COL4A3: variants seen among roughly 807,000 people sequenced by gnomAD.
The protein encoded by COL4A3 is collagen type IV alpha 3 chain.
Under a neutral mutation model 217.4 loss-of-function variants are expected in COL4A3, and 135 were observed. That is an observed-to-expected ratio of 0.62 (90% CI 0.54 to 0.72). The LOEUF (loss-of-function observed/expected upper bound fraction) is 0.72. Among genes scored for constraint, COL4A3 ranks in the 30% least tolerant of loss-of-function variants. The pLI is 0.00. For missense variants in COL4A3, 1,868 were observed against 2,119.9 expected (o/e 0.88, Z 2.33); for synonymous variants, 690 against 736.3 (o/e 0.94, Z 1.02).
At chr2:227,206,857 C>A (rs548794992) in intron 1 of COL4A3, among the ~76,000 whole-genome samples, 1 of 152,180 alleles carries the variant, frequency 6.6e-6, no homozygotes, top group South Asian at 2.1e-4. Flanking sequence ...TTTATCATCA[C>A]CCCATTTTCT....
chr2:227,310,123 T>C (rs954409126), intron 50 of COL4A3, among the ~76,000 whole-genome samples: 11 of 152,226 alleles, frequency 7.2e-5, no homozygotes, highest in Non-Finnish European at 1.3e-4. Flanking sequence ...GTGCCCCTTT[T>C]GACATTCATA....
intron 1 of COL4A3, among the ~76,000 whole-genome samples, chr2:227,194,197 C>T (rs13429913): frequency 0.34 from 51,522 of 152,014 alleles, 9,473 homozygotes; most frequent in East Asian, 0.43. Flanking sequence ...AAGAAACCCA[C>T]GACACACTCA....
At position 227,203,312 on chromosome 2, in the gene COL4A3, T is replaced by C. The variant is rs201011475; in HGVS notation, c.88-34656T>C. ...ACATATATGTGTATATATGTGTATA[T>C]ATACATATATGTGTATACATACATA... On this transcript the variant is annotated intron_variant, in intron 1 of 51. Transcript: ENST00000396578. 4.3e-4 allele frequency among the ~76,000 whole-genome samples: 8 copies of C among 18,412 alleles called. 1 individual carries two copies. The highest frequency in any genetic ancestry group is 2.7e-3 in the South Asian group (1 of 366). The allele number at this position is 18,412 out of a possible 152,430, so 12.1% of individuals were successfully genotyped here. A position where few individuals can be genotyped will look rare whatever the true frequency, so the allele number is the denominator to read the frequency against.
chr2:227,298,309 G>A (rs565192805), intron 42 of COL4A3, among the ~76,000 whole-genome samples: 9 of 152,172 alleles, frequency 5.9e-5, no homozygotes, highest in African/African-American at 1.2e-4. Context: ...CTGAGATTGC[G>A]CCACTGCACT....
chr2:227,205,858 A>G (rs1417393965), intron 1 of COL4A3, among the ~76,000 whole-genome samples: 1 of 151,922 alleles, frequency 6.6e-6, no homozygotes, highest in Non-Finnish European at 1.5e-5. Context: ...ATAAAGCAGC[A>G]TGATGCCAAA....
chr2:227,290,172 TTTCCA>T, intron 36 of COL4A3, 84 bp downstream of exon 36: 1 of 1,333,196 alleles, frequency 7.5e-7, no homozygotes, highest in African/African-American at 1.4e-5. Flanking sequence ...CTGTTTTGGT[TTTCCA>T]CTTGGTAGAA....
At chr2:227,217,114 G>A (rs2067554764) in intron 1 of COL4A3, among the ~76,000 whole-genome samples, 1 of 152,230 alleles carries the variant, frequency 6.6e-6, no homozygotes, top group Non-Finnish European at 1.5e-5. Context: ...GGCAGATGGT[G>A]AAAGGCATGT....
chr2:227,190,548 C>A (rs1033805132), intron 1 of COL4A3, among the ~76,000 whole-genome samples: 1 of 152,110 alleles, frequency 6.6e-6, no homozygotes, highest in African/African-American at 2.4e-5. Context: ...AGAAGAGGGA[C>A]TTTGTGTATT....
intron 1 of COL4A3, among the ~76,000 whole-genome samples, chr2:227,171,262 T>C (rs1266122286): frequency 1.3e-5 from 2 of 152,236 alleles, no homozygotes; most frequent in Non-Finnish European, 1.5e-5. Context: ...ATCATCTAAA[T>C]ACTTATTCCA....
intron 1 of COL4A3, among the ~76,000 whole-genome samples, chr2:227,204,517 G>C (rs1386453051): frequency 1.3e-5 from 2 of 152,146 alleles, no homozygotes; most frequent in Non-Finnish European, 1.5e-5. Flanking sequence ...CATATACGAA[G>C]GGACCCGTGC....
intron 1 of COL4A3, among the ~76,000 whole-genome samples, chr2:227,204,170 G>A (rs1265179233): frequency 1.3e-5 from 2 of 152,088 alleles, no homozygotes; most frequent in African/African-American, 4.8e-5. Context: ...TACTAGCCGG[G>A]TGACTTTAAG....
At chr2:227,284,390 C>T (rs1057444400) in intron 34 of COL4A3, 45 bp downstream of exon 34, 36 of 1,589,456 alleles carry the variant, frequency 2.3e-5, no homozygotes, top group Middle Eastern at 1.7e-4. Context: ...AGCTGATTCT[C>T]AGGCTAATAA....
At chr2:227,206,273 C>T (rs1039058801) in intron 1 of COL4A3, among the ~76,000 whole-genome samples, 1 of 152,188 alleles carries the variant, frequency 6.6e-6, no homozygotes, top group African/African-American at 2.4e-5. Flanking sequence ...AGGGTTTCAC[C>T]ATGTTGGCCA....
At chr2:227,254,981 C>G (rs974559871) in intron 15 of COL4A3, among the ~76,000 whole-genome samples, 2 of 152,202 alleles carry the variant, frequency 1.3e-5, no homozygotes, top group African/African-American at 4.8e-5. Flanking sequence ...GCCTCATTCT[C>G]TCCTCTGGCA....
chr2:227,311,396 T>C (rs2106296503), intron 51 of COL4A3, among the ~76,000 whole-genome samples: 1 of 129,418 alleles, frequency 7.7e-6, no homozygotes, highest in African/African-American at 2.9e-5. Context: ...TTTTTTTTTC[T>C]TGAGATGGAG....
At chr2:227,172,581 CTTTTTTTTTT>C (rs11315628) in intron 1 of COL4A3, among the ~76,000 whole-genome samples, 26 of 73,598 alleles carry the variant, frequency 3.5e-4, no homozygotes, top group Non-Finnish European at 5.0e-4. Flanking sequence ...TCGTCTTCTT[CTTTTTTTTTT>C]TTTTTTTTTT....
intron 41 of COL4A3, among the ~76,000 whole-genome samples, chr2:227,295,817 T>C (rs1344667755): frequency 6.6e-6 from 1 of 152,226 alleles, no homozygotes; most frequent in African/African-American, 2.4e-5. Flanking sequence ...GGCAGTTTAC[T>C]GAACATGTCA....
intron 1 of COL4A3, among the ~76,000 whole-genome samples, chr2:227,170,707 G>A (rs981437584): frequency 6.6e-6 from 1 of 152,138 alleles, no homozygotes; most frequent in East Asian, 1.9e-4. Context: ...AATAAAAGCA[G>A]TAATAGTATG....
At position 227,176,948 on chromosome 2, in the gene COL4A3, T is replaced by C. The variant is rs141540470; in HGVS notation, c.87+12135T>C. On this transcript the variant is annotated intron_variant, in intron 1 of 51. Transcript: ENST00000396578. Reference sequence around the variant, plus strand: ...GCATGCTGGCTTTAAAAAAAAGTTATATGTGCTGTACAAAATTTGGAAAAA... The same window carrying C: ...GCATGCTGGCTTTAAAAAAAAGTTACATGTGCTGTACAAAATTTGGAAAAA... 6.2e-3 allele frequency among the ~76,000 whole-genome samples: 944 copies of C among 152,290 alleles called. 4 individuals are homozygous for C. The highest frequency in any genetic ancestry group is 0.024 in the Middle Eastern group (7 of 294).
Sources: gnomAD v4.1 joint callset for allele counts (sites outside exome capture counted in the v4.1 genomes callset) on GRCh38, gnomAD v4.1.1 for gene constraint, MANE v1.5 for transcripts, NCBI Gene and HGNC (gene_info 2026-07-23, HGNC 2026-07-21) for gene names.